Variants in MINDY3 observed in about 807,000 individuals in gnomAD.
The protein encoded by MINDY3 is ubiquitin carboxyl-terminal hydrolase MINDY-3.
A neutral mutation model predicts 69.2 loss-of-function variants in MINDY3; 38 were observed. That is an observed-to-expected ratio of 0.55 (90% CI 0.42 to 0.72). MINDY3 has a LOEUF of 0.72. MINDY3 is among the 30% of genes least tolerant of loss of function. The pLI is 0.00. For synonymous variants in MINDY3, 192 were observed against 180.1 expected, an observed-to-expected ratio of 1.07 and a Z score of -0.53; for missense variants, 522 against 519.0, an observed-to-expected ratio of 1.01 and a Z score of -0.06.
intron 10 of MINDY3, among the ~76,000 whole-genome samples, chr10:15,796,476 G>GAAAAAAA (rs746694573): frequency 1.4e-5 from 2 of 138,274 alleles, no homozygotes. Context: ...AATGTAGCAT[G>GAAAAAAA]AAAAAAAAAA....
In MINDY3 at chr10:15,785,010, G is replaced by T. The variant is rs146056602; in HGVS notation, c.1116+1551C>A. On this transcript the variant is annotated intron_variant, in intron 13 of 14. Transcript: ENST00000277632. ...TCTAACTTGGGCCTCCAGATCACTT[G>T]CAGGGCTTGTTAGACCACATTGCTG... 1.6e-3 allele frequency among the ~76,000 whole-genome samples: 245 copies of T among 152,224 alleles called. 1 individual carries two copies. The highest frequency in any genetic ancestry group is 5.6e-3 in the African/African-American group (231 of 41,556).
At chr10:15,848,779 G>A (rs1834059213) in intron 1 of MINDY3, among the ~76,000 whole-genome samples, 1 of 151,956 alleles carries the variant, frequency 6.6e-6, no homozygotes, top group Non-Finnish European at 1.5e-5. Flanking sequence ...TCTTCAGATG[G>A]CCCTGGGTCA....
chr10:15,794,313 AAAATT>A (rs1371438222), intron 11 of MINDY3, among the ~76,000 whole-genome samples: 1 of 152,136 alleles, frequency 6.6e-6, no homozygotes, highest in African/African-American at 2.4e-5. Context: ...TTGGGGAAAG[AAAATT>A]AAATTAGCAG....
chr10:15,830,531 C>T (rs1840385951), intron 8 of MINDY3, among the ~76,000 whole-genome samples: 1 of 152,164 alleles, frequency 6.6e-6, no homozygotes, highest in African/African-American at 2.4e-5. Flanking sequence ...ACATGTTAGT[C>T]TTGAGTGCTG....
At chr10:15,855,800 G>A (rs1834648408) in intron 1 of MINDY3, among the ~76,000 whole-genome samples, 1 of 152,112 alleles carries the variant, frequency 6.6e-6, no homozygotes, top group Admixed American at 6.5e-5. Context: ...CTAAAAAAAT[G>A]AGGATAACTA....
intron 8 of MINDY3, among the ~76,000 whole-genome samples, chr10:15,831,007 T>C (rs955178824): frequency 1.3e-5 from 2 of 152,158 alleles, no homozygotes; most frequent in African/African-American, 4.8e-5. Flanking sequence ...TGGAAAGATA[T>C]ATAGTTCTTC....
In MINDY3 at chr10:15,778,957, GTTA is replaced by G. The variant is rs767761905; in HGVS notation, c.*32_*34del. On this transcript the variant is annotated 3_prime_UTR_variant, in exon 15 of 15. Coordinates refer to ENST00000277632, the MANE Select transcript of MINDY3 (RefSeq NM_024948.4). ...GTCTTGACTCCTTCTTTCAACATCT[GTTA>G]TTAAGATCTTCCTTATAAATACTTA... 6.3e-7 allele frequency: 1 copy of G among 1,589,086 alleles called. No individual in the cohort carries two copies. The highest frequency in any genetic ancestry group is 1.1e-5 in the South Asian group (1 of 88,268).
intron 1 of MINDY3, among the ~76,000 whole-genome samples, chr10:15,850,161 A>C (rs903908498): frequency 3.3e-5 from 5 of 152,236 alleles, no homozygotes; most frequent in Admixed American, 1.3e-4. Flanking sequence ...CAATACTCTT[A>C]TAATTTCCTA....
chr10:15,824,992 T>A (rs921220867), intron 8 of MINDY3, among the ~76,000 whole-genome samples: 8 of 152,222 alleles, frequency 5.3e-5, no homozygotes, highest in African/African-American at 1.9e-4. Flanking sequence ...AATTTACTTT[T>A]ATGCCAAGTT....
intron 10 of MINDY3, among the ~76,000 whole-genome samples, chr10:15,816,284 A>C (rs1315510675): frequency 7.1e-6 from 1 of 140,758 alleles, no homozygotes; most frequent in African/African-American, 3.2e-5. Flanking sequence ...AAAAAAATGA[A>C]AAAGAAAAAA....
In MINDY3 at chr10:15,786,600, T is replaced by C; in HGVS notation, c.1077A>G (p.Ile359Met). 6.3e-7 allele frequency: 1 copy of C among 1,592,056 alleles called. No homozygotes were observed. Among genetic ancestry groups the C allele is most frequent in the Non-Finnish European group, 8.6e-7 (1 of 1,161,290 alleles). The change falls in exon 13 of 15, where the codon ATA becomes ATG. Residue 359 changes from isoleucine (I) to methionine (M), a missense_variant. Ile to Met is a conservative substitution (Grantham distance 10, BLOSUM62 1). Coordinates refer to ENST00000277632, the MANE Select transcript of MINDY3 (RefSeq NM_024948.4). ...NKLDPEGLGI[I>M]LLGPFLQEFF... Reference sequence around the variant, plus strand: ...ATTCTTGAAGAAATGGGCCCAATAATATGATTCCTAATCCTTCTGGATCTA... The same window carrying C: ...ATTCTTGAAGAAATGGGCCCAATAACATGATTCCTAATCCTTCTGGATCTA...
chr10:15,826,212 G>A (rs372449585), intron 8 of MINDY3, among the ~76,000 whole-genome samples: 3 of 152,146 alleles, frequency 2.0e-5, no homozygotes, highest in East Asian at 3.8e-4. Context: ...AGTGCGTAGG[G>A]AAGCCAGCCA....
intron 12 of MINDY3, among the ~76,000 whole-genome samples, chr10:15,787,220 T>C (rs912573588): frequency 3.3e-5 from 5 of 152,114 alleles, no homozygotes; most frequent in Admixed American, 6.6e-5. Context: ...GTGACTGATA[T>C]ATACTGTATT....
At position 15,779,173 on chromosome 10, in the gene MINDY3, G is replaced by C. The variant is rs775513306; in HGVS notation, c.1189-32C>G. The stretch of plus-strand genomic sequence containing the variant: ...AACAAAATAAAGCCACCAAGGTCAA[G>C]CAACAGTCTTAGCAAATTCTTATGT... On this transcript the variant is annotated intron_variant, in intron 14 of 14. Transcript: ENST00000277632. The C allele has an allele frequency of 1.8e-5, 28 of 1,598,598 alleles. No homozygotes were observed. The South Asian group carries it at 2.8e-4, about 16-fold the overall frequency.
At chr10:15,801,332 T>C (rs10904626) in intron 10 of MINDY3, among the ~76,000 whole-genome samples, 31,364 of 152,004 alleles carry the variant, frequency 0.21, 3,363 homozygotes, top group South Asian at 0.26. Flanking sequence ...AAACCCAAGC[T>C]TTGAAGGGAA....
At chr10:15,809,455 A>G (rs1249365095) in intron 10 of MINDY3, among the ~76,000 whole-genome samples, 2 of 152,122 alleles carry the variant, frequency 1.3e-5, no homozygotes, top group African/African-American at 4.8e-5. Flanking sequence ...AACCTCAATG[A>G]AAGTGCCATG....
intron 1 of MINDY3, among the ~76,000 whole-genome samples, chr10:15,851,711 C>T (rs1369243648): frequency 6.6e-6 from 1 of 152,084 alleles, no homozygotes; most frequent in East Asian, 1.9e-4. Flanking sequence ...ATTCCTTCCT[C>T]CCTCCTGTCC....
chr10:15,789,313 C>A lies in MINDY3; in HGVS notation c.962G>T (p.Gly321Val). The A allele has an allele frequency of 6.2e-7, 1 of 1,609,826 alleles. No individual in the cohort carries two copies. The highest frequency in any genetic ancestry group is 8.5e-7 in the Non-Finnish European group (1 of 1,177,334). The change falls in exon 12 of 15, where the codon GGA (glycine) becomes GTA (valine). Residue 321 changes from glycine (G) to valine (V), a missense_variant. Gly to Val is a moderately radical substitution (Grantham distance 109). Coordinates refer to ENST00000277632, the MANE Select transcript of MINDY3 (RefSeq NM_024948.4). ...TTCCAGAAGTGAATCGGGTATGAAT[C>A]CATTATCTAGGGGGGAAAAAATCAG... ...VFQTYDPEDN[G>V]FIPDSLLEDV... is the part of the protein sequence containing the mutation.
chr10:15,794,296 A>G (rs763200860), intron 11 of MINDY3, among the ~76,000 whole-genome samples: 42 of 152,244 alleles, frequency 2.8e-4, no homozygotes, highest in Middle Eastern at 3.4e-3. Flanking sequence ...AAACAAAAGC[A>G]TATCATTTGG....
Sources: allele counts gnomAD v4.1 joint callset (sites outside exome capture counted in the v4.1 genomes callset), GRCh38; gene constraint gnomAD v4.1.1; transcripts MANE v1.5; gene names NCBI Gene and HGNC (gene_info 2026-07-23, HGNC 2026-07-21).